Variants in PKHD1 observed in about 807,000 individuals in gnomAD.
PKHD1 encodes PKHD1 ciliary IPT domain containing fibrocystin/polyductin, also known as fibrocystin.
A neutral mutation model predicts 412.0 loss-of-function variants in PKHD1; 291 were observed. That is an observed-to-expected ratio of 0.71 (90% CI 0.64 to 0.78). The LOEUF (loss-of-function observed/expected upper bound fraction) is 0.78, where lower values mean the gene tolerates loss of function less well. Ranked by LOEUF, PKHD1 falls within the 30% of genes least tolerant of loss-of-function variation. The pLI is 0.00. For synonymous variants in PKHD1, 1,777 were observed against 1,821.5 expected (o/e 0.98, Z 0.62); for missense variants, 4,825 against 4,950.7 (o/e 0.97, Z 0.76).
intron 34 of PKHD1, among the ~76,000 whole-genome samples, chr6:52,017,140 G>A (rs957471781): frequency 2.6e-5 from 4 of 152,174 alleles, no homozygotes; most frequent in Non-Finnish European, 4.4e-5. Flanking sequence ...GCTTTGGATC[G>A]GAAGATAAAT....
At chr6:51,833,781 G>A (rs909485117) in intron 51 of PKHD1, among the ~76,000 whole-genome samples, 1 of 152,132 alleles carries the variant, frequency 6.6e-6, no homozygotes, top group Non-Finnish European at 1.5e-5. Context: ...AGGTAAGGAA[G>A]GAAAGATGTT....
intron 36 of PKHD1, among the ~76,000 whole-genome samples, chr6:51,945,251 A>T (rs1208916695): frequency 2.6e-5 from 4 of 152,216 alleles, no homozygotes; most frequent in Non-Finnish European, 5.9e-5. Flanking sequence ...GTAAATAGTC[A>T]GGAAATCTAA....
chr6:51,660,844 C>G (rs1772727858), intron 60 of PKHD1, among the ~76,000 whole-genome samples: 1 of 152,020 alleles, frequency 6.6e-6, no homozygotes, highest in African/African-American at 2.4e-5. Flanking sequence ...CATGGAGGCT[C>G]CATTATGTAG....
intron 5 of PKHD1, 28 bp downstream of exon 5, chr6:52,079,872 C>T (rs1170201068): frequency 1.6e-6 from 2 of 1,243,050 alleles, no homozygotes; most frequent in Non-Finnish European, 2.4e-6. Flanking sequence ...ACTATGTAAA[C>T]ATACCTTCCT....
chr6:51,896,132 G>C (rs1779920331), intron 43 of PKHD1, among the ~76,000 whole-genome samples: 1 of 152,162 alleles, frequency 6.6e-6, no homozygotes, highest in Non-Finnish European at 1.5e-5. Context: ...GGTAAACAAA[G>C]CAGCCCGGAA....
chr6:51,830,430 C>A (rs570734912), intron 52 of PKHD1, among the ~76,000 whole-genome samples: 6 of 152,068 alleles, frequency 3.9e-5, no homozygotes, highest in Non-Finnish European at 7.4e-5. Flanking sequence ...CTCATAGCAA[C>A]CGAAGAGCTT....
At chr6:51,665,657 A>C (rs1773630230) in intron 60 of PKHD1, among the ~76,000 whole-genome samples, 1 of 152,164 alleles carries the variant, frequency 6.6e-6, no homozygotes. Context: ...TGTGAGAAGC[A>C]GCTAATGCAT....
intron 60 of PKHD1, among the ~76,000 whole-genome samples, chr6:51,682,548 A>G (rs1025657773): frequency 3.3e-5 from 5 of 152,198 alleles, no homozygotes; most frequent in Middle Eastern, 3.4e-3. Context: ...CTTTGCTTTA[A>G]TATGGGTGAA....
chr6:51,955,830 A>T (rs1317141903), intron 36 of PKHD1, among the ~76,000 whole-genome samples: 1 of 152,084 alleles, frequency 6.6e-6, no homozygotes, highest in Non-Finnish European at 1.5e-5. Flanking sequence ...TTTGGCTTGA[A>T]ATTTCTCAGG....
chr6:51,852,154 A>G lies in PKHD1; in HGVS notation c.7911+3739T>C, dbSNP rs895974144. On this transcript the variant is annotated intron_variant, in intron 49 of 66. Transcript: ENST00000371117. ...AACTTCTTTCTGTCTTAATTTCATT[A>G]TTTACCCAGGAGTCATTCAGGAGCA... 5.9e-5 allele frequency among the ~76,000 whole-genome samples: 9 copies of G among 152,184 alleles called. No individual in the cohort carries two copies. In the East Asian group the frequency reaches 1.7e-3, roughly 29 times the overall value.
At position 51,732,485 on chromosome 6, in the gene PKHD1, A is replaced by G. The variant is rs1783348092; in HGVS notation, c.10156+11900T>C. ...AGCCCAATTCAAAAATTAATATGGG[A>G]CTTGAATAGACATTTCTCCAAAAAA... On this transcript the variant is annotated intron_variant, in intron 60 of 66. Transcript: ENST00000371117. 2.6e-5 allele frequency among the ~76,000 whole-genome samples: 4 copies of G among 152,198 alleles called. No homozygotes were observed. In the South Asian group the frequency reaches 8.3e-4, roughly 32 times the overall value.
At chr6:51,924,368 G>A (rs1265105086) in intron 37 of PKHD1, among the ~76,000 whole-genome samples, 1 of 152,194 alleles carries the variant, frequency 6.6e-6, no homozygotes, top group East Asian at 1.9e-4. Context: ...GGCCAAGGGG[G>A]AGAGTTGAAA....
chr6:51,692,280 C>CACACACACACACAT (rs1695547242), intron 60 of PKHD1, among the ~76,000 whole-genome samples: 2 of 151,806 alleles, frequency 1.3e-5, no homozygotes, highest in Admixed American at 6.6e-5. Flanking sequence ...CACACACACA[C>CACACACACACACAT]ACACACACAC....
intron 65 of PKHD1, among the ~76,000 whole-genome samples, chr6:51,629,811 T>A (rs1232152366): frequency 6.6e-6 from 1 of 152,154 alleles, no homozygotes; most frequent in African/African-American, 2.4e-5. Context: ...TTCATACTTG[T>A]ATATTTGGCA....
chr6:51,671,739 T>G (rs1775023964), intron 60 of PKHD1, among the ~76,000 whole-genome samples: 1 of 152,186 alleles, frequency 6.6e-6, no homozygotes, highest in Non-Finnish European at 1.5e-5. Flanking sequence ...GTGGATGTCC[T>G]TTCTGTTTGT....
At chr6:51,782,029 TTAAA>T (rs1282907294) in intron 53 of PKHD1, among the ~76,000 whole-genome samples, 4 of 135,412 alleles carry the variant, frequency 3.0e-5, no homozygotes, top group Admixed American at 8.1e-5. Flanking sequence ...GTATGCAAAA[TTAAA>T]TAGTTTATAA....
intron 43 of PKHD1, among the ~76,000 whole-genome samples, chr6:51,899,142 G>A (rs1780740022): frequency 6.6e-6 from 1 of 152,172 alleles, no homozygotes; most frequent in African/African-American, 2.4e-5. Flanking sequence ...TAGAAAAAGA[G>A]GGAATCCTCC....
chr6:51,922,298 G>T (rs1308221755), intron 37 of PKHD1, among the ~76,000 whole-genome samples: 1 of 152,212 alleles, frequency 6.6e-6, no homozygotes, highest in Non-Finnish European at 1.5e-5. Flanking sequence ...AAATGTTGCT[G>T]CCTGATCCTT....
At chr6:51,886,316 T>C (rs940186888) in intron 44 of PKHD1, among the ~76,000 whole-genome samples, 5 of 152,226 alleles carry the variant, frequency 3.3e-5, no homozygotes, top group African/African-American at 4.8e-5. Context: ...GACTCTCTTC[T>C]CTTTACCATC....
Sources: allele counts gnomAD v4.1 joint callset (sites outside exome capture counted in the v4.1 genomes callset), GRCh38; gene constraint gnomAD v4.1.1; transcripts MANE v1.5; gene names NCBI Gene and HGNC (gene_info 2026-07-23, HGNC 2026-07-21).